The following SHANK2 variants were observed in gnomAD, a reference collection of about 807,000 sequenced individuals.
The protein encoded by SHANK2 is SH3 and multiple ankyrin repeat domains protein 2.
A neutral mutation model predicts 133.7 loss-of-function variants in SHANK2; 43 were observed. That is an observed-to-expected ratio of 0.32 (90% CI 0.25 to 0.41). The LOEUF is 0.41. SHANK2 is among the 10% of genes least tolerant of loss of function. SHANK2 has a pLI of 1.00. For synonymous variants in SHANK2, 1,017 were observed against 952.8 expected (o/e 1.07, Z -1.24); for missense variants, 1,994 against 2,235.8 (o/e 0.89, Z 2.18).
intron 11 of SHANK2, among the ~76,000 whole-genome samples, chr11:70,883,265 A>G (rs1030434898): frequency 1.3e-5 from 2 of 152,220 alleles, no homozygotes; most frequent in Admixed American, 1.3e-4. Context: ...TTTGCTGCTC[A>G]GATCAAGGCA....
chr11:70,620,317 G>C (rs782021955), intron 17 of SHANK2, among the ~76,000 whole-genome samples: 4 of 152,208 alleles, frequency 2.6e-5, no homozygotes, highest in Non-Finnish European at 4.4e-5. Flanking sequence ...CCTTGCCGGG[G>C]CCTCATCAGA....
At chr11:70,949,745 G>A (rs1950805561) in intron 10 of SHANK2, among the ~76,000 whole-genome samples, 1 of 152,216 alleles carries the variant, frequency 6.6e-6, no homozygotes, top group Non-Finnish European at 1.5e-5. Flanking sequence ...GGGCCCCCGT[G>A]GCCTGGGCCA....
intron 2 of SHANK2, among the ~76,000 whole-genome samples, chr11:71,206,893 C>T (rs1954137174): frequency 6.6e-6 from 1 of 151,974 alleles, no homozygotes; most frequent in Non-Finnish European, 1.5e-5. Context: ...CTGGGCAACA[C>T]AGCAAGACCC....
At chr11:70,858,822 T>C (rs553606938) in intron 11 of SHANK2, among the ~76,000 whole-genome samples, 2 of 152,348 alleles carry the variant, frequency 1.3e-5, no homozygotes, top group Admixed American at 1.3e-4. Flanking sequence ...ATCCCTGGCA[T>C]CTGGGAGAAC....
At chr11:70,767,523 T>C (rs1947147633) in intron 14 of SHANK2, among the ~76,000 whole-genome samples, 1 of 152,068 alleles carries the variant, frequency 6.6e-6, no homozygotes, top group African/African-American at 2.4e-5. Flanking sequence ...CTACTCAGCC[T>C]TGAAAAGGAG....
chr11:71,159,187 G>A (rs1181999223), intron 2 of SHANK2, among the ~76,000 whole-genome samples: 1 of 152,232 alleles, frequency 6.6e-6, no homozygotes, highest in Non-Finnish European at 1.5e-5. Flanking sequence ...TGTTGTCAGA[G>A]CTGGCTCCTT....
chr11:71,196,974 G>T (rs1458787577), intron 2 of SHANK2, among the ~76,000 whole-genome samples: 1 of 139,346 alleles, frequency 7.2e-6, no homozygotes, highest in Non-Finnish European at 1.5e-5. Flanking sequence ...CTTCAGCCTT[G>T]GTGACAGAGT....
At chr11:70,591,551 A>G (rs7933412) in intron 17 of SHANK2, among the ~76,000 whole-genome samples, 1 of 144,180 alleles carries the variant, frequency 6.9e-6, no homozygotes, top group Admixed American at 7.0e-5. Flanking sequence ...AAAGAAAAAG[A>G]AAAAGAAAAA....
intron 17 of SHANK2, among the ~76,000 whole-genome samples, chr11:70,595,248 G>A (rs944125213): frequency 7.9e-5 from 12 of 152,188 alleles, no homozygotes; most frequent in Non-Finnish European, 2.9e-5. Context: ...GAAGGGTGCA[G>A]CCCGGCCGTC....
At chr11:71,183,023 T>C (rs1451360659) in intron 2 of SHANK2, among the ~76,000 whole-genome samples, 1 of 152,178 alleles carries the variant, frequency 6.6e-6, no homozygotes, top group Non-Finnish European at 1.5e-5. Context: ...CTGGGAGTCT[T>C]GTGTCTTCAT....
intron 17 of SHANK2, among the ~76,000 whole-genome samples, chr11:70,547,396 G>C (rs2059709195): frequency 6.6e-6 from 1 of 152,094 alleles, no homozygotes. Flanking sequence ...GAGTAGCTGG[G>C]ATTACAGGCA....
At position 71,179,473 on chromosome 11, in the gene SHANK2, G is replaced by C. The variant is rs560331607; in HGVS notation, c.-12-32135C>G. Among the ~76,000 whole-genome samples, 34 of 152,308 alleles carry C rather than the reference G, an allele frequency of 2.2e-4. No homozygotes were observed. The South Asian group carries it at 6.6e-3, about 30-fold the overall frequency. ...AGGGAGTCTTCTCAGCCTGAGAAAA[G>C]GCATCTCTGAAAAACCCACAGTGTC... On this transcript the variant is annotated intron_variant, in intron 2 of 25. Transcript: ENST00000601538.
intron 11 of SHANK2, among the ~76,000 whole-genome samples, chr11:70,855,632 C>T (rs73534027): frequency 0.033 from 5,050 of 152,318 alleles, 249 homozygotes; most frequent in African/African-American, 0.11. Flanking sequence ...CAAGAGGTAA[C>T]GCTAAACCAG....
chr11:70,942,103 T>A (rs782333787), intron 10 of SHANK2, among the ~76,000 whole-genome samples: 2 of 151,918 alleles, frequency 1.3e-5, no homozygotes, highest in Non-Finnish European at 2.9e-5. Context: ...AGGAGAATTG[T>A]GTGAACCCAG....
At chr11:71,238,564 C>T (rs1555124013) in intron 1 of SHANK2, among the ~76,000 whole-genome samples, 1 of 152,180 alleles carries the variant, frequency 6.6e-6, no homozygotes, top group Non-Finnish European at 1.5e-5. Flanking sequence ...CCCAACACTC[C>T]CCAAAGCCCA....
intron 25 of SHANK2, among the ~76,000 whole-genome samples, chr11:70,476,350 A>G (rs1315872530): frequency 3.3e-5 from 5 of 152,170 alleles, no homozygotes; most frequent in African/African-American, 1.2e-4. Context: ...TATACTCTCA[A>G]GAGAGAGGTG....
chr11:70,534,366 C>A (rs574953753), intron 17 of SHANK2, among the ~76,000 whole-genome samples: 22 of 152,320 alleles, frequency 1.4e-4, no homozygotes, highest in Admixed American at 7.2e-4. Flanking sequence ...AAGGTAACCG[C>A]CCCCATGATT....
intron 15 of SHANK2, among the ~76,000 whole-genome samples, chr11:70,691,044 A>G (rs963973544): frequency 1.3e-5 from 2 of 151,892 alleles, no homozygotes; most frequent in Non-Finnish European, 2.9e-5. Flanking sequence ...ATTTATTTCT[A>G]CTCTTGGCCC....
At chr11:70,803,170 C>A (rs1341937971) in intron 13 of SHANK2, among the ~76,000 whole-genome samples, 15 of 151,726 alleles carry the variant, frequency 9.9e-5, no homozygotes, top group African/African-American at 3.4e-4. Flanking sequence ...GGACAAAACA[C>A]ACACTGCTAT....
Sources: gnomAD v4.1 joint callset for allele counts (sites outside exome capture counted in the v4.1 genomes callset) on GRCh38, gnomAD v4.1.1 for gene constraint, MANE v1.5 for transcripts, NCBI Gene and HGNC (gene_info 2026-07-23, HGNC 2026-07-21) for gene names.